The following RBFOX1 variants were observed in gnomAD, a reference collection of about 807,000 sequenced individuals.
The protein encoded by RBFOX1 is RNA binding fox-1 homolog 1.
In RBFOX1, 8 loss-of-function variants were observed where a neutral mutation model predicts 57.7. The observed-to-expected ratio is 0.14, with a 90% CI of 0.08 to 0.25. RBFOX1 has a LOEUF of 0.25. RBFOX1 is among the 10% of genes least tolerant of loss of function. The pLI is 1.00. For synonymous variants in RBFOX1, 326 were observed against 222.4 expected, an observed-to-expected ratio of 1.47 and a Z score of -4.15; for missense variants, 611 against 548.5, an observed-to-expected ratio of 1.11 and a Z score of -1.14.
At chr16:7,526,430 T>G (rs2078723021) in intron 5 of RBFOX1, among the ~76,000 whole-genome samples, 1 of 152,140 alleles carries the variant, frequency 6.6e-6, no homozygotes, top group African/African-American at 2.4e-5. Flanking sequence ...CGGAAGGAGC[T>G]CAAGCTGACC....
At chr16:6,141,050 C>A (rs1376733) in intron 1 of RBFOX1, among the ~76,000 whole-genome samples, 1 of 152,154 alleles carries the variant, frequency 6.6e-6, no homozygotes, top group Non-Finnish European at 1.5e-5. Flanking sequence ...TGGAGCTCTG[C>A]GTCATTTTCA....
chr16:7,253,457 G>A (rs2094563903), intron 4 of RBFOX1, among the ~76,000 whole-genome samples: 1 of 152,166 alleles, frequency 6.6e-6, no homozygotes, highest in African/African-American at 2.4e-5. Flanking sequence ...AGTTCCCAAC[G>A]AGACTTCAGG....
chr16:5,761,598 T>C (rs898103384), intron 3 of RBFOX1, among the ~76,000 whole-genome samples: 1 of 151,984 alleles, frequency 6.6e-6, no homozygotes. Flanking sequence ...TATAAAACCA[T>C]CAGATCTCGT....
At chr16:5,610,046 A>G (rs140064775) in intron 3 of RBFOX1, among the ~76,000 whole-genome samples, 23 of 152,230 alleles carry the variant, frequency 1.5e-4, no homozygotes, top group Non-Finnish European at 3.2e-4. Context: ...CTCACACAAC[A>G]CTGAGCACCA....
intron 4 of RBFOX1, among the ~76,000 whole-genome samples, chr16:5,890,425 G>A (rs534270106): frequency 3.2e-4 from 48 of 152,222 alleles, no homozygotes; most frequent in Non-Finnish European, 5.9e-4. Flanking sequence ...AAGGCTGGGC[G>A]CAGTGGCTCA....
intron 3 of RBFOX1, among the ~76,000 whole-genome samples, chr16:6,931,305 C>CTATCTA (rs1567941351): frequency 1.6e-5 from 2 of 125,854 alleles, no homozygotes; most frequent in African/African-American, 6.9e-5. Context: ...GTCTATCTAT[C>CTATCTA]TATCTATCTA....
intron 3 of RBFOX1, among the ~76,000 whole-genome samples, chr16:6,906,555 C>T (rs1284520920): frequency 6.6e-6 from 1 of 151,878 alleles, no homozygotes; most frequent in Admixed American, 6.6e-5. Flanking sequence ...TGGTTTTGTT[C>T]TTTGTCAAGT....
At chr16:7,354,081 C>G (rs756449010) in intron 4 of RBFOX1, among the ~76,000 whole-genome samples, 1 of 152,134 alleles carries the variant, frequency 6.6e-6, no homozygotes, top group Non-Finnish European at 1.5e-5. Context: ...AAGCGATTCT[C>G]CTGCCTCAGC....
chr16:7,586,940 C>T lies in RBFOX1; in HGVS notation c.415-307C>T, dbSNP rs376774097. Reference sequence around the variant, plus strand: ...CCAGAAGGATCATTGTATGTACATACTAGCCACTTTTAATCTTTGCTGCTC... The same window carrying T: ...CCAGAAGGATCATTGTATGTACATATTAGCCACTTTTAATCTTTGCTGCTC... On this transcript the variant is annotated intron_variant, in intron 6 of 15. Transcript: ENST00000550418. Among the ~76,000 whole-genome samples, 227 of 152,314 alleles carry T rather than the reference C, an allele frequency of 1.5e-3. 2 individuals carry two copies. The highest frequency in any genetic ancestry group is 4.9e-3 in the African/African-American group (205 of 41,574).
chr16:7,552,446 G>A (rs535930794), intron 5 of RBFOX1, among the ~76,000 whole-genome samples: 1 of 152,208 alleles, frequency 6.6e-6, no homozygotes, highest in East Asian at 1.9e-4. Context: ...TAGCAGCAGG[G>A]TGTCTTCAGA....
intron 5 of RBFOX1, among the ~76,000 whole-genome samples, chr16:7,539,227 T>C (rs533051117): frequency 3.0e-4 from 46 of 152,004 alleles, no homozygotes; most frequent in Non-Finnish European, 4.9e-4. Flanking sequence ...AAGAGAAGAT[T>C]AAGGAGGGAG....
At chr16:6,817,361 C>T (rs544579676) in intron 3 of RBFOX1, among the ~76,000 whole-genome samples, 4 of 151,836 alleles carry the variant, frequency 2.6e-5, no homozygotes, top group Admixed American at 2.6e-4. Flanking sequence ...CGTGTGTCAC[C>T]CTTCTTTAGT....
chr16:6,609,269 A>C (rs980150651), intron 2 of RBFOX1, among the ~76,000 whole-genome samples: 1 of 152,214 alleles, frequency 6.6e-6, no homozygotes, highest in African/African-American at 2.4e-5. Flanking sequence ...AGTTCTTAGC[A>C]CAGTGGCTGG....
At chr16:7,088,882 G>C (rs528786332) in intron 4 of RBFOX1, among the ~76,000 whole-genome samples, 1 of 152,070 alleles carries the variant, frequency 6.6e-6, no homozygotes, top group South Asian at 2.1e-4. Context: ...GTTGTTTTTC[G>C]TTGCTCGGCA....
intron 4 of RBFOX1, among the ~76,000 whole-genome samples, chr16:7,141,522 A>C (rs2152112176): frequency 6.6e-6 from 1 of 152,344 alleles, no homozygotes; most frequent in African/African-American, 2.4e-5. Flanking sequence ...GCTAGAGTGC[A>C]TCAAGGATCA....
At chr16:5,999,628 G>C (rs1019994464) in intron 4 of RBFOX1, among the ~76,000 whole-genome samples, 3 of 152,188 alleles carry the variant, frequency 2.0e-5, no homozygotes, top group Admixed American at 2.0e-4. Flanking sequence ...TTGGGAGGCT[G>C]AGGTGGGCGG....
At chr16:5,888,627 C>G (rs1441337998) in intron 4 of RBFOX1, among the ~76,000 whole-genome samples, 1 of 151,962 alleles carries the variant, frequency 6.6e-6, no homozygotes, top group African/African-American at 2.4e-5. Flanking sequence ...GAAACCTCGT[C>G]TCTACTAAAA....
In RBFOX1 at chr16:5,663,930, G is replaced by A. The variant is rs139775588; in HGVS notation, c.318+64969G>A. On this transcript the variant is annotated intron_variant, in intron 3 of 19. Transcript: ENST00000641259. ...TCCAGTTGAAGCAAATGGGGCAGTC[G>A]CCTTCCCTTCAGGGACAAGCCAGCA... Among the ~76,000 whole-genome samples, 49 of 152,180 alleles carry A rather than the reference G, an allele frequency of 3.2e-4. No individual in the cohort carries two copies. The East Asian group carries it at 8.9e-3, about 28-fold the overall frequency.
intron 3 of RBFOX1, among the ~76,000 whole-genome samples, chr16:6,957,516 G>A (rs944323644): frequency 3.3e-5 from 5 of 152,096 alleles, no homozygotes; most frequent in East Asian, 3.9e-4. Context: ...AACTTTCACC[G>A]TGCTGGGGGG....
Sources: gnomAD v4.1 joint callset for allele counts (sites outside exome capture counted in the v4.1 genomes callset) on GRCh38, gnomAD v4.1.1 for gene constraint, MANE v1.5 for transcripts, NCBI Gene and HGNC (gene_info 2026-07-23, HGNC 2026-07-21) for gene names.